Variants in ROBO2 observed in about 807,000 individuals in gnomAD.
ROBO2 encodes roundabout homolog 2.
In ROBO2, 53 loss-of-function variants were observed where a neutral mutation model predicts 160.8. That is an observed-to-expected ratio of 0.33 (90% CI 0.26 to 0.41). The LOEUF is 0.41. Ranked by LOEUF, ROBO2 falls within the 10% of genes least tolerant of loss-of-function variation. The pLI, the probability that ROBO2 is intolerant of heterozygous loss-of-function variation, is 1.00. For synonymous variants in ROBO2, 664 were observed against 611.7 expected (o/e 1.09, Z -1.26); for missense variants, 1,577 against 1,722.4 (o/e 0.92, Z 1.49).
intron 2 of ROBO2, among the ~76,000 whole-genome samples, chr3:77,391,598 C>T (rs997785722): frequency 2.0e-5 from 3 of 152,144 alleles, no homozygotes; most frequent in Admixed American, 6.5e-5. Flanking sequence ...ATTCAATTAA[C>T]TCCCACTGAG....
chr3:76,481,338 C>T (rs1361937324), intron 2 of ROBO2, among the ~76,000 whole-genome samples: 1 of 152,046 alleles, frequency 6.6e-6, no homozygotes, highest in African/African-American at 2.4e-5. Context: ...GGAAAGAAAC[C>T]ATTTTGAAAT....
intron 2 of ROBO2, among the ~76,000 whole-genome samples, chr3:76,109,865 A>G (rs2108227508): frequency 6.6e-6 from 1 of 151,872 alleles, no homozygotes; most frequent in East Asian, 1.9e-4. Context: ...ATTCTACTCT[A>G]TATGTCTATG....
At chr3:76,800,997 C>T (rs1373031346) in intron 2 of ROBO2, among the ~76,000 whole-genome samples, 2 of 152,184 alleles carry the variant, frequency 1.3e-5, no homozygotes, top group Admixed American at 6.5e-5. Flanking sequence ...TGGAATTAAC[C>T]TAAGTGTGCA....
chr3:77,294,390 CAA>C (rs1560464013), intron 2 of ROBO2, among the ~76,000 whole-genome samples: 6 of 135,918 alleles, frequency 4.4e-5, no homozygotes, highest in African/African-American at 1.5e-4. Context: ...GCTAGGTCAC[CAA>C]AGACATAAAG....
intron 1 of ROBO2, among the ~76,000 whole-genome samples, chr3:77,042,295 A>C (rs986126488): frequency 6.6e-6 from 1 of 152,222 alleles, no homozygotes; most frequent in Non-Finnish European, 1.5e-5. Context: ...CAGTACATTA[A>C]AATACGTGTA....
intron 2 of ROBO2, among the ~76,000 whole-genome samples, chr3:76,641,538 G>A (rs2090675418): frequency 6.6e-6 from 1 of 152,066 alleles, no homozygotes; most frequent in South Asian, 2.1e-4. Context: ...CAAGTTGGAG[G>A]GAGACTGCAG....
chr3:76,036,654 A>G (rs2067118836), intron 2 of ROBO2, among the ~76,000 whole-genome samples: 1 of 150,374 alleles, frequency 6.7e-6, no homozygotes, highest in African/African-American at 2.5e-5. Flanking sequence ...ACAGGCATGC[A>G]CCACCGTACC....
intron 2 of ROBO2, among the ~76,000 whole-genome samples, chr3:76,425,715 C>A (rs1307406725): frequency 6.6e-6 from 1 of 151,710 alleles, no homozygotes; most frequent in Non-Finnish European, 1.5e-5. Flanking sequence ...ACAAAGATAC[C>A]TTTTGTACCC....
At chr3:77,477,909 C>T (rs1326074475) in intron 3 of ROBO2, among the ~76,000 whole-genome samples, 1 of 147,924 alleles carries the variant, frequency 6.8e-6, no homozygotes, top group African/African-American at 2.5e-5. Context: ...TCACCGCAAC[C>T]TCTGCCTCCC....
At chr3:76,094,473 G>A (rs2069359143) in intron 2 of ROBO2, among the ~76,000 whole-genome samples, 1 of 152,220 alleles carries the variant, frequency 6.6e-6, no homozygotes, top group African/African-American at 2.4e-5. Context: ...AGTTGTGGGA[G>A]AAGGATGCCC....
chr3:76,001,824 C>T (rs1185629197), intron 2 of ROBO2, among the ~76,000 whole-genome samples: 1 of 152,120 alleles, frequency 6.6e-6, no homozygotes, highest in African/African-American at 2.4e-5. Flanking sequence ...AGATTACAGG[C>T]ATGAACAACC....
In ROBO2 at chr3:77,622,149, C is replaced by A. The variant is rs1375690636; in HGVS notation, c.3555-78C>A. The A allele has an allele frequency of 2.4e-6, 3 of 1,256,158 alleles. No homozygotes were observed. In the African/African-American group the frequency reaches 4.5e-5, roughly 19 times the overall value. The allele number at this position is 1,256,158 out of a possible 1,614,324, so 77.8% of individuals were successfully genotyped here. A position where few individuals can be genotyped will look rare whatever the true frequency, so the allele number is the denominator to read the frequency against. ...AAGAAGACAGTATGAGTTACTATAG[C>A]ATGCATTTAATTAAAATTATGATTT... On this transcript the variant is annotated intron_variant, in intron 22 of 25. Transcript: ENST00000461745.
chr3:76,676,392 G>C (rs536926704), intron 2 of ROBO2, among the ~76,000 whole-genome samples: 5 of 151,346 alleles, frequency 3.3e-5, no homozygotes, highest in Non-Finnish European at 5.9e-5. Flanking sequence ...GGCCTCCCTA[G>C]CCCTGCAGAA....
chr3:77,219,639 A>G (rs2085516889), intron 2 of ROBO2, among the ~76,000 whole-genome samples: 1 of 151,084 alleles, frequency 6.6e-6, no homozygotes, highest in Non-Finnish European at 1.5e-5. Context: ...GCCTTAAGGA[A>G]GTCATTTAGC....
chr3:77,541,348 A>G (rs2092452177), intron 6 of ROBO2, among the ~76,000 whole-genome samples: 1 of 152,140 alleles, frequency 6.6e-6, no homozygotes, highest in South Asian at 2.1e-4. Flanking sequence ...ATGTTCAGCC[A>G]TCTGATTTCC....
At chr3:77,036,267 G>T (rs572961845), upstream of ROBO2, among the ~76,000 whole-genome samples, 1 of 152,052 alleles carries the variant, frequency 6.6e-6, no homozygotes, top group Non-Finnish European at 1.5e-5. Flanking sequence ...AAAACTAGAA[G>T]AATTCCCTGA....
intron 2 of ROBO2, among the ~76,000 whole-genome samples, chr3:77,311,163 T>C (rs760641201): frequency 2.0e-4 from 31 of 152,266 alleles, no homozygotes; most frequent in Non-Finnish European, 4.0e-4. Flanking sequence ...TAATGTTTTC[T>C]TTTTCTCATT....
In ROBO2 at chr3:76,198,836, G is replaced by A. The variant is rs1222910784; in HGVS notation, c.109+261234G>A. 2.0e-5 allele frequency among the ~76,000 whole-genome samples: 3 copies of A among 151,996 alleles called. No homozygotes were observed. The East Asian group carries it at 5.8e-4, about 29-fold the overall frequency. On this transcript the variant is annotated intron_variant, in intron 2 of 26. Coordinates refer to the ROBO2 transcript ENST00000487694. ...CTTTTAGTTCACCTATGACATGTAAGCCCCACTCCCACTTTGAGGTGTCCC... is the reference window on the plus strand; with the variant it reads ...CTTTTAGTTCACCTATGACATGTAAACCCCACTCCCACTTTGAGGTGTCCC...
At chr3:77,620,061 T>C (rs1290156584) in intron 22 of ROBO2, among the ~76,000 whole-genome samples, 1 of 152,172 alleles carries the variant, frequency 6.6e-6, no homozygotes, top group Non-Finnish European at 1.5e-5. Flanking sequence ...AACAAATTAG[T>C]TCATCTCCAC....
Sources: gnomAD v4.1 joint callset for allele counts (sites outside exome capture counted in the v4.1 genomes callset) on GRCh38, gnomAD v4.1.1 for gene constraint, MANE v1.5 for transcripts, NCBI Gene and HGNC (gene_info 2026-07-23, HGNC 2026-07-21) for gene names.